The following UBE2E3 variants were observed in gnomAD, a reference collection of about 807,000 sequenced individuals.
UBE2E3 encodes ubiquitin conjugating enzyme E2 E3, also known as ubiquitin-conjugating enzyme E2 E3.
In UBE2E3, 5 loss-of-function variants were observed where a neutral mutation model predicts 23.6. The ratio of observed to expected loss-of-function variants is 0.21; its 90% CI spans 0.11 to 0.44. The LOEUF (loss-of-function observed/expected upper bound fraction) is 0.44. Among genes scored for constraint, UBE2E3 ranks in the 20% least tolerant of loss-of-function variants. UBE2E3 has a pLI of 0.99. For synonymous variants in UBE2E3, 78 were observed against 87.5 expected, an observed-to-expected ratio of 0.89 and a Z score of 0.60; for missense variants, 81 against 249.8, an observed-to-expected ratio of 0.32 and a Z score of 4.55.
chr2:181,003,688 A>G (rs961060409), intron 3 of UBE2E3, among the ~76,000 whole-genome samples: 1 of 152,192 alleles, frequency 6.6e-6, no homozygotes, highest in South Asian at 2.1e-4. Flanking sequence ...GTGGAACCAG[A>G]CTGTATTTTC....
intron 3 of UBE2E3, among the ~76,000 whole-genome samples, chr2:181,022,212 A>G (rs1025312573): frequency 9.4e-5 from 14 of 148,748 alleles, no homozygotes; most frequent in African/African-American, 3.7e-4. Flanking sequence ...GTTAATAGTT[A>G]TTTTATAGGA....
chr2:180,999,924 A>G (rs1380016942), intron 3 of UBE2E3, among the ~76,000 whole-genome samples: 1 of 152,252 alleles, frequency 6.6e-6, no homozygotes, highest in Non-Finnish European at 1.5e-5. Context: ...AGGCATGTTT[A>G]TGAAAGAACA....
chr2:181,059,415 A>C (rs574213919), intron 4 of UBE2E3, among the ~76,000 whole-genome samples: 1 of 151,864 alleles, frequency 6.6e-6, no homozygotes, highest in South Asian at 2.1e-4. Context: ...AACATAAATT[A>C]TTTCTATATT....
At chr2:181,028,329 T>C (rs1321324547) in intron 3 of UBE2E3, among the ~76,000 whole-genome samples, 1 of 152,086 alleles carries the variant, frequency 6.6e-6, no homozygotes, top group Admixed American at 6.5e-5. Context: ...TGTTCCATGT[T>C]TATTTTGTTT....
At chr2:181,058,099 A>G (rs1687036292) in intron 4 of UBE2E3, among the ~76,000 whole-genome samples, 1 of 151,744 alleles carries the variant, frequency 6.6e-6, no homozygotes, top group South Asian at 2.1e-4. Context: ...ATGAGGGAGA[A>G]GATCCTATGA....
At chr2:181,030,084 G>A (rs551085134) in intron 3 of UBE2E3, among the ~76,000 whole-genome samples, 35 of 151,842 alleles carry the variant, frequency 2.3e-4, no homozygotes, top group African/African-American at 5.3e-4. Context: ...CACCTGCTTC[G>A]GCCTCCCAAA....
At chr2:180,986,047 T>G (rs1485921277) in intron 3 of UBE2E3, among the ~76,000 whole-genome samples, 1 of 152,142 alleles carries the variant, frequency 6.6e-6, no homozygotes, top group Non-Finnish European at 1.5e-5. Flanking sequence ...AGATTTCATT[T>G]AAGTCCTTGA....
In UBE2E3 at chr2:180,993,316, A is replaced by G. The variant is rs919431550; in HGVS notation, c.245+9223A>G. ...TTATTCACAACAAATGAAGCTTTGA[A>G]AGGAACTGTGGTGTAGTCTGCCTTT... On this transcript the variant is annotated intron_variant, in intron 3 of 5. Transcript: ENST00000410062. Among the ~76,000 whole-genome samples, 8 of 152,340 alleles carry G rather than the reference A, an allele frequency of 5.3e-5. No individual in the cohort carries two copies. In the East Asian group the frequency reaches 1.5e-3, roughly 29 times the overall value.
intron 3 of UBE2E3, among the ~76,000 whole-genome samples, chr2:181,052,696 T>G (rs1686877228): frequency 6.6e-6 from 1 of 151,796 alleles, no homozygotes; most frequent in South Asian, 2.1e-4. Context: ...TCCTTTCCTG[T>G]TTACCTCCCA....
chr2:181,032,733 A>G (rs1352224389), intron 3 of UBE2E3, among the ~76,000 whole-genome samples: 2 of 152,192 alleles, frequency 1.3e-5, no homozygotes, highest in Non-Finnish European at 2.9e-5. Context: ...TTCCCAACTG[A>G]TTCAGAACCA....
At chr2:181,057,485 C>T (rs941869777) in intron 3 of UBE2E3, among the ~76,000 whole-genome samples, 1 of 151,772 alleles carries the variant, frequency 6.6e-6, no homozygotes, top group African/African-American at 2.4e-5. Context: ...TTGTACTTTT[C>T]TTGCATTTCC....
intron 3 of UBE2E3, among the ~76,000 whole-genome samples, chr2:181,036,929 G>T (rs1686309171): frequency 6.6e-6 from 1 of 152,122 alleles, no homozygotes; most frequent in Admixed American, 6.5e-5. Flanking sequence ...ACATAAAGTT[G>T]CAGTTTCCAA....
chr2:180,982,384 T>C (rs1450026901), intron 2 of UBE2E3, 148 bp downstream of exon 2: 3 of 751,354 alleles, frequency 4.0e-6, no homozygotes, highest in Non-Finnish European at 6.6e-6. Context: ...TGTCATTCTT[T>C]AGGTGGTATG....
chr2:181,027,003 ATTAT>A (rs1399266622), intron 3 of UBE2E3, among the ~76,000 whole-genome samples: 5 of 151,882 alleles, frequency 3.3e-5, no homozygotes, highest in Admixed American at 6.6e-5. Context: ...CATGAAGGTA[ATTAT>A]TAGTAAAAAA....
intron 3 of UBE2E3, among the ~76,000 whole-genome samples, chr2:180,992,414 A>G (rs945814991): frequency 6.6e-6 from 1 of 152,124 alleles, no homozygotes; most frequent in Non-Finnish European, 1.5e-5. Flanking sequence ...GAGATGTTAA[A>G]TTTTTCTGGT....
intron 3 of UBE2E3, among the ~76,000 whole-genome samples, chr2:181,049,680 TC>T (rs1339596963): frequency 6.6e-6 from 1 of 152,044 alleles, no homozygotes; most frequent in Non-Finnish European, 1.5e-5. Context: ...TATTGCATTA[TC>T]TGTGCAGATA....
At chr2:181,051,682 T>C (rs922697966) in intron 3 of UBE2E3, among the ~76,000 whole-genome samples, 2 of 151,938 alleles carry the variant, frequency 1.3e-5, no homozygotes, top group East Asian at 3.9e-4. Context: ...TAATTTTCAA[T>C]ATTATGCATT....
intron 3 of UBE2E3, among the ~76,000 whole-genome samples, chr2:180,994,518 A>T (rs2105581179): frequency 6.6e-6 from 1 of 152,364 alleles, no homozygotes; most frequent in Middle Eastern, 3.4e-3. Flanking sequence ...TGACATCAGC[A>T]TGCCTAAAAA....
At chr2:181,058,647 A>G (rs1231440599) in intron 4 of UBE2E3, among the ~76,000 whole-genome samples, 1 of 151,778 alleles carries the variant, frequency 6.6e-6, no homozygotes, top group African/African-American at 2.4e-5. Context: ...TTTCTTTTCC[A>G]ACATGGTGAC....
Sources: allele counts gnomAD v4.1 joint callset (sites outside exome capture counted in the v4.1 genomes callset), GRCh38; gene constraint gnomAD v4.1.1; transcripts MANE v1.5; gene names NCBI Gene and HGNC (gene_info 2026-07-23, HGNC 2026-07-21).